Variants in CSGALNACT1 observed in about 807,000 individuals in gnomAD.
The protein encoded by CSGALNACT1 is chondroitin sulfate N-acetylgalactosaminyltransferase 1, also known as beta4GalNAcT-1.
CSGALNACT1 carries 52 observed loss-of-function variants against 51.0 expected under a neutral mutation model. That is an observed-to-expected ratio of 1.02 (90% CI 0.82 to 1.29). The LOEUF (loss-of-function observed/expected upper bound fraction) is 1.29, where lower values mean the gene tolerates loss of function less well. Ranked by LOEUF, CSGALNACT1 falls within the 50% of genes most tolerant of loss-of-function variation. The pLI is 0.00. For missense variants in CSGALNACT1, 935 were observed against 679.2 expected, an observed-to-expected ratio of 1.38 and a Z score of -4.19; for synonymous variants, 341 against 254.4, an observed-to-expected ratio of 1.34 and a Z score of -3.24.
At chr8:19,523,326 G>A (rs751376385) in intron 3 of CSGALNACT1, among the ~76,000 whole-genome samples, 5 of 152,144 alleles carry the variant, frequency 3.3e-5, no homozygotes, top group Admixed American at 1.3e-4. Flanking sequence ...GTGCAAGGGC[G>A]CGATCATGGG....
chr8:19,589,288 A>G (rs1018089246), intron 3 of CSGALNACT1, among the ~76,000 whole-genome samples: 1 of 152,142 alleles, frequency 6.6e-6, no homozygotes, highest in Non-Finnish European at 1.5e-5. Context: ...AAAGCTACCT[A>G]ATTTTTCAAC....
At chr8:19,423,778 T>C (rs181627093) in intron 6 of CSGALNACT1, among the ~76,000 whole-genome samples, 3 of 152,306 alleles carry the variant, frequency 2.0e-5, no homozygotes, top group Admixed American at 6.5e-5. Flanking sequence ...ATTTGCTTCC[T>C]TTCTCTTCAT....
intron 1 of CSGALNACT1, among the ~76,000 whole-genome samples, chr8:19,716,618 A>C (rs1264041914): frequency 7.4e-6 from 1 of 134,306 alleles, no homozygotes; most frequent in African/African-American, 3.1e-5. Context: ...TCTACAAAAA[A>C]AAAAAAAAAA....
intron 3 of CSGALNACT1, chr8:19,532,091 G>A (rs1368462507): frequency 6.6e-6 from 1 of 151,874 alleles, no homozygotes; most frequent in Admixed American, 6.6e-5. Context: ...TCTAGGCTCT[G>A]TTGGTCTTGG....
At chr8:19,492,994 T>A (rs2074690743) in intron 4 of CSGALNACT1, among the ~76,000 whole-genome samples, 1 of 151,622 alleles carries the variant, frequency 6.6e-6, no homozygotes, top group South Asian at 2.1e-4. Context: ...GATCAAGCAC[T>A]GACATAAGTG....
chr8:19,750,791 T>C (rs1237568405), intron 1 of CSGALNACT1, among the ~76,000 whole-genome samples: 1 of 152,166 alleles, frequency 6.6e-6, no homozygotes, highest in African/African-American at 2.4e-5. Flanking sequence ...ATAAAAATGT[T>C]TGATAGATGA....
At chr8:19,575,474 A>C (rs1244987614) in intron 3 of CSGALNACT1, among the ~76,000 whole-genome samples, 1 of 152,250 alleles carries the variant, frequency 6.6e-6, no homozygotes, top group African/African-American at 2.4e-5. Context: ...GAAACACATT[A>C]AATAGACATC....
intron 8 of CSGALNACT1, among the ~76,000 whole-genome samples, chr8:19,414,982 C>T (rs1391857456): frequency 6.6e-6 from 1 of 152,204 alleles, no homozygotes; most frequent in Non-Finnish European, 1.5e-5. Context: ...AATAATCCAT[C>T]TCCATTCTAT....
chr8:19,510,295 G>A (rs190214768), intron 3 of CSGALNACT1, among the ~76,000 whole-genome samples: 4 of 152,216 alleles, frequency 2.6e-5, no homozygotes, highest in South Asian at 4.2e-4. Context: ...AATGGGAGAA[G>A]GCTTCTTCAT....
intron 1 of CSGALNACT1, among the ~76,000 whole-genome samples, chr8:19,756,047 T>C (rs187531972): frequency 6.6e-6 from 1 of 152,316 alleles, no homozygotes; most frequent in Admixed American, 6.5e-5. Context: ...TAAAAATTCA[T>C]CTTGCCTTTC....
intron 4 of CSGALNACT1, among the ~76,000 whole-genome samples, chr8:19,463,508 G>T (rs917706796): frequency 2.0e-4 from 30 of 152,278 alleles, no homozygotes; most frequent in East Asian, 1.9e-4. Flanking sequence ...CTTGGGCATG[G>T]GGGGAGGGGT....
chr8:19,532,221 T>C (rs1276402196), intron 3 of CSGALNACT1, among the ~76,000 whole-genome samples: 30 of 151,964 alleles, frequency 2.0e-4, no homozygotes, highest in Non-Finnish European at 4.4e-5. Context: ...CTCTGGACCT[T>C]AAAACAATCT....
chr8:19,696,356 C>T (rs1004910196), intron 1 of CSGALNACT1, among the ~76,000 whole-genome samples: 2 of 152,228 alleles, frequency 1.3e-5, no homozygotes, highest in South Asian at 2.1e-4. Flanking sequence ...ACCAACTCTT[C>T]GTTCCAGGGA....
At chr8:19,499,073 C>G (rs1391970101) in intron 4 of CSGALNACT1, among the ~76,000 whole-genome samples, 1 of 152,210 alleles carries the variant, frequency 6.6e-6, no homozygotes, top group Non-Finnish European at 1.5e-5. Flanking sequence ...CATGATCGTG[C>G]CACTGCACTC....
chr8:19,686,440 A>T (rs1289541081), upstream of CSGALNACT1, among the ~76,000 whole-genome samples: 1 of 152,212 alleles, frequency 6.6e-6, no homozygotes, highest in Non-Finnish European at 1.5e-5. Context: ...AACGCATTCT[A>T]ACTGACCTTC....
intron 1 of CSGALNACT1, among the ~76,000 whole-genome samples, chr8:19,654,006 T>A (rs2058053457): frequency 6.6e-6 from 1 of 151,998 alleles, no homozygotes; most frequent in South Asian, 2.1e-4. Context: ...AATCCCAGCC[T>A]CCTCCCACAG....
intron 3 of CSGALNACT1, among the ~76,000 whole-genome samples, chr8:19,542,322 C>G (rs1271185111): frequency 1.3e-5 from 2 of 151,840 alleles, no homozygotes; most frequent in East Asian, 3.9e-4. Flanking sequence ...TCCGTCAAAC[C>G]AGGACTGTGT....
At chr8:19,508,188 G>A (rs1197334896) in intron 3 of CSGALNACT1, among the ~76,000 whole-genome samples, 1 of 152,210 alleles carries the variant, frequency 6.6e-6, no homozygotes, top group Non-Finnish European at 1.5e-5. Context: ...GGAGAAAAGA[G>A]AGAGATGTTC....
intron 8 of CSGALNACT1, among the ~76,000 whole-genome samples, chr8:19,409,500 T>TATATAG (rs1021722551): frequency 1.5e-4 from 21 of 139,970 alleles, no homozygotes; most frequent in African/African-American, 5.3e-4. Flanking sequence ...TATATATATA[T>TATATAG]AGAGAGAGAG....
Sources: allele counts gnomAD v4.1 joint callset (sites outside exome capture counted in the v4.1 genomes callset), GRCh38; gene constraint gnomAD v4.1.1; transcripts MANE v1.5; gene names NCBI Gene and HGNC (gene_info 2026-07-23, HGNC 2026-07-21).